Variants in BRWD3 observed in about 807,000 individuals in gnomAD.
The protein encoded by BRWD3 is bromodomain and WD repeat domain containing 3.
A neutral mutation model predicts 149.7 loss-of-function variants in BRWD3; 10 were observed. The ratio of observed to expected loss-of-function variants is 0.07; its 90% CI spans 0.04 to 0.11. The LOEUF is 0.11. BRWD3 is among the 10% of genes least tolerant of loss of function. BRWD3 has a pLI of 1.00. For synonymous variants in BRWD3, 504 were observed against 456.7 expected (o/e 1.10, Z -1.32); for missense variants, 940 against 1,373.2 (o/e 0.68, Z 4.99).
intron 6 of BRWD3, among the ~76,000 whole-genome samples, chrX:80,773,380 CT>C (rs1475046050): frequency 9.0e-6 from 1 of 111,170 alleles, no homozygotes; most frequent in Admixed American, 9.6e-5. Flanking sequence ...TATCAATATC[CT>C]TTTTATTCTT....
At chrX:80,741,141 T>C (rs2073488621) in intron 8 of BRWD3, among the ~76,000 whole-genome samples, 1 of 110,072 alleles carries the variant, frequency 9.1e-6, no homozygotes, top group Non-Finnish European at 1.9e-5. Flanking sequence ...TTCCCACCTA[T>C]GAGTGAGAAC....
intron 9 of BRWD3, 79 bp from the exon 10 acceptor site, chrX:80,735,276 T>C: frequency 1.0e-5 from 8 of 767,340 alleles, no homozygotes; most frequent in Non-Finnish European, 1.6e-5. Flanking sequence ...TACTGGATAC[T>C]GATCAATTTA....
At chrX:80,756,339 T>C (rs762835008) in intron 6 of BRWD3, among the ~76,000 whole-genome samples, 1 of 108,293 alleles carries the variant, frequency 9.2e-6, no homozygotes, top group East Asian at 2.9e-4. Flanking sequence ...CCGTCTCTAC[T>C]AAAAATACAA....
Position 80,747,118 on chromosome X carries a change from T to C in BRWD3, c.431-1389A>G, listed in dbSNP as rs1003319934. 4.5e-5 allele frequency among the ~76,000 whole-genome samples: 5 copies of C among 110,029 alleles called. No homozygotes were observed. In the East Asian group the frequency reaches 1.2e-3, roughly 26 times the overall value. ...AGATAGGAAGGACTGGTACCCTAAT[T>C]TGGGACTTCAGAAATCTTCCTTCTC... On this transcript the variant is annotated intron_variant, in intron 6 of 40. Coordinates refer to ENST00000373275, the MANE Select transcript of BRWD3 (RefSeq NM_153252.5).
intron 6 of BRWD3, among the ~76,000 whole-genome samples, chrX:80,774,372 T>G (rs2147832580): frequency 9.0e-6 from 1 of 110,554 alleles, no homozygotes; most frequent in African/African-American, 3.3e-5. Flanking sequence ...CCAGAGATCT[T>G]ACCTCAGCTT....
intron 33 of BRWD3, 128 bp downstream of exon 33, chrX:80,689,640 G>T: frequency 3.6e-6 from 2 of 555,422 alleles, no homozygotes; most frequent in Non-Finnish European, 6.0e-6. Flanking sequence ...TTTAAAAGAC[G>T]CTGGTATTCA....
intron 4 of BRWD3, among the ~76,000 whole-genome samples, chrX:80,807,191 C>A (rs1451479853): frequency 1.8e-5 from 2 of 111,803 alleles, no homozygotes; most frequent in African/African-American, 6.5e-5. Context: ...ACAAATTAAC[C>A]TGGCAGTACA....
chrX:80,769,764 A>G lies in BRWD3; in HGVS notation c.430+22090T>C, dbSNP rs1211647314. ...AGATCAGAGCAGAACTGAAGGAGAT[A>G]GAGAGAGAAAAAAACCTTCAAAAAA... On this transcript the variant is annotated intron_variant, in intron 6 of 40. Coordinates refer to ENST00000373275, the MANE Select transcript of BRWD3 (RefSeq NM_153252.5). Among the ~76,000 whole-genome samples the G allele has an allele frequency of 9.1e-5, 10 of 109,761 alleles. No individual in the cohort carries two copies. The East Asian group carries it at 2.3e-3, about 25-fold the overall frequency.
intron 18 of BRWD3, among the ~76,000 whole-genome samples, chrX:80,718,839 C>G (rs1221285332): frequency 1.8e-5 from 2 of 111,199 alleles, no homozygotes; most frequent in African/African-American, 3.3e-5. Flanking sequence ...AAACTGATAG[C>G]TCTTGATACA....
At chrX:80,715,193 T>TA (rs1215396573) in intron 20 of BRWD3, among the ~76,000 whole-genome samples, 1 of 107,600 alleles carries the variant, frequency 9.3e-6, no homozygotes, top group African/African-American at 3.5e-5. Flanking sequence ...ATCAGTGTTC[T>TA]GAGTCATTCA....
chrX:80,796,802 C>T (rs1381371951), intron 4 of BRWD3, among the ~76,000 whole-genome samples: 1 of 111,381 alleles, frequency 9.0e-6, no homozygotes, highest in East Asian at 2.8e-4. Flanking sequence ...TTCTTCCAAG[C>T]AAACAACTAT....
chrX:80,680,090 T>C (rs184646927), intron 40 of BRWD3, among the ~76,000 whole-genome samples: 63 of 112,415 alleles, frequency 5.6e-4, no homozygotes, highest in Middle Eastern at 4.6e-3. Context: ...TAAATAACAA[T>C]GGATAAGCTA....
intron 40 of BRWD3, among the ~76,000 whole-genome samples, chrX:80,679,412 C>T (rs899898908): frequency 2.7e-5 from 3 of 111,443 alleles, no homozygotes; most frequent in Admixed American, 9.6e-5. Flanking sequence ...GTTTGAGATG[C>T]GAAGATAAGC....
intron 6 of BRWD3, among the ~76,000 whole-genome samples, chrX:80,753,156 A>G (rs998769526): frequency 1.7e-4 from 19 of 111,583 alleles, no homozygotes; most frequent in African/African-American, 6.2e-4. Flanking sequence ...TACACATTCT[A>G]CAGATTGTCT....
rs1194232985 is a variant in BRWD3 at position 80,762,218 on chromosome X, A to G, written c.431-16489T>C. ...ACATGTTTTGCCTTTCTCTCTTTGA[A>G]CTAGAATCTCTTACAGAATTGTGCT... is the stretch of plus-strand genomic sequence containing the variant. On this transcript the variant is annotated intron_variant, in intron 6 of 40. Coordinates refer to ENST00000373275, the MANE Select transcript of BRWD3 (RefSeq NM_153252.5). Among the ~76,000 whole-genome samples the G allele has an allele frequency of 2.7e-5, 3 of 111,689 alleles. No individual in the cohort carries two copies. In the East Asian group the frequency reaches 8.4e-4, roughly 31 times the overall value.
chrX:80,754,056 T>C (rs970400531), intron 6 of BRWD3, among the ~76,000 whole-genome samples: 5 of 112,009 alleles, frequency 4.5e-5, no homozygotes, highest in African/African-American at 1.6e-4. Context: ...TCTGTGAAAA[T>C]GATATTGGTA....
chrX:80,734,036 T>G, intron 11 of BRWD3, 82 bp downstream of exon 11: 2 of 715,723 alleles, frequency 2.8e-6, no homozygotes, highest in Non-Finnish European at 4.5e-6. Flanking sequence ...TATATGTTAC[T>G]ATGGTACAGA....
intron 6 of BRWD3, among the ~76,000 whole-genome samples, chrX:80,751,990 T>C (rs866388105): frequency 1.1e-5 from 1 of 89,868 alleles, no homozygotes; most frequent in Non-Finnish European, 2.2e-5. Context: ...TCATTATTAT[T>C]ATTATTATTA....
chrX:80,728,680 A>T, intron 14 of BRWD3, 72 bp downstream of exon 14: 2 of 960,619 alleles, frequency 2.1e-6, no homozygotes, highest in South Asian at 4.5e-5. Context: ...GGAACCTGGA[A>T]CTTAAATTTC....
Sources: allele counts gnomAD v4.1 joint callset (sites outside exome capture counted in the v4.1 genomes callset), GRCh38; gene constraint gnomAD v4.1.1; transcripts MANE v1.5; gene names NCBI Gene and HGNC (gene_info 2026-07-23, HGNC 2026-07-21).